The following KCTD16 variants were observed in gnomAD, a reference collection of about 807,000 sequenced individuals.
KCTD16 encodes the protein BTB/POZ domain-containing protein KCTD16.
A neutral mutation model predicts 33.2 loss-of-function variants in KCTD16; 13 were observed. The ratio of observed to expected loss-of-function variants is 0.39; its 90% CI spans 0.25 to 0.62. The LOEUF (loss-of-function observed/expected upper bound fraction) is 0.62. KCTD16 is among the 20% of genes least tolerant of loss of function. The probability of loss-of-function intolerance (pLI) is 0.50; values close to 1 mark genes in which losing one functional copy is unlikely to be tolerated. For missense variants in KCTD16, 441 were observed against 525.1 expected, an observed-to-expected ratio of 0.84 and a Z score of 1.57; for synonymous variants, 197 against 195.3, an observed-to-expected ratio of 1.01 and a Z score of -0.07.
At chr5:144,389,198 G>A (rs541475006) in intron 3 of KCTD16, among the ~76,000 whole-genome samples, 3 of 152,214 alleles carry the variant, frequency 2.0e-5, no homozygotes, top group Non-Finnish European at 4.4e-5. Context: ...AAATCATCAT[G>A]TAGGGCAGGG....
chr5:144,312,043 C>T (rs937659335), intron 3 of KCTD16, among the ~76,000 whole-genome samples: 1 of 152,026 alleles, frequency 6.6e-6, no homozygotes, highest in African/African-American at 2.4e-5. Context: ...TTTTTTAGCT[C>T]CATTCAGCAA....
chr5:144,259,789 A>T (rs1478433121), intron 3 of KCTD16, among the ~76,000 whole-genome samples: 1 of 152,214 alleles, frequency 6.6e-6, no homozygotes, highest in Non-Finnish European at 1.5e-5. Context: ...CAAGTAGGTG[A>T]CCTGTCAAAA....
chr5:144,225,008 A>G (rs1300838039), intron 3 of KCTD16, among the ~76,000 whole-genome samples: 3 of 152,170 alleles, frequency 2.0e-5, no homozygotes, highest in African/African-American at 7.2e-5. Flanking sequence ...GGGGGTAAGG[A>G]TAGACCAATG....
intron 3 of KCTD16, among the ~76,000 whole-genome samples, chr5:144,253,696 A>G (rs564203544): frequency 1.9e-4 from 29 of 152,240 alleles, no homozygotes; most frequent in African/African-American, 6.5e-4. Flanking sequence ...TTACCTGTTT[A>G]GTGGAGAGAG....
intron 3 of KCTD16, among the ~76,000 whole-genome samples, chr5:144,442,018 G>A (rs527990196): frequency 6.6e-6 from 1 of 152,168 alleles, no homozygotes; most frequent in African/African-American, 2.4e-5. Context: ...ATACTTCACA[G>A]TTTTTAGTGT....
At chr5:144,402,087 G>T (rs1752714889) in intron 3 of KCTD16, among the ~76,000 whole-genome samples, 1 of 152,136 alleles carries the variant, frequency 6.6e-6, no homozygotes. Flanking sequence ...AGAGGGAAGA[G>T]GGACTGATTT....
At chr5:144,199,790 CAT>C (rs1297158350) in intron 2 of KCTD16, among the ~76,000 whole-genome samples, 1 of 135,636 alleles carries the variant, frequency 7.4e-6, no homozygotes, top group Non-Finnish European at 1.5e-5. Flanking sequence ...AATCTTGGCT[CAT>C]TGCAATCTCC....
chr5:144,471,430 C>A (rs547609829), intron 3 of KCTD16, among the ~76,000 whole-genome samples: 1 of 152,184 alleles, frequency 6.6e-6, no homozygotes, highest in African/African-American at 2.4e-5. Context: ...TTGTATTTCC[C>A]CTCTTCCTGT....
rs1310686204 is a variant in KCTD16, at chr5:144,482,452, C to T, written c.*8338C>T. 6.6e-6 allele frequency: 1 copy of T among 151,834 alleles called. No individual in the cohort carries two copies. Among genetic ancestry groups the T allele is most frequent in the African/African-American group, 2.4e-5 (1 of 41,348 alleles). 9.4% of individuals were successfully genotyped at this position (151,834 alleles called of 1,614,324 possible). ...GCACACAGGTCACTAGGGCAAGCTT[C>T]AGGAGAAGTAAAATAGGTGTATGAG... is the stretch of plus-strand genomic sequence containing the variant. On this transcript the variant is annotated 3_prime_UTR_variant, in exon 4 of 4. Transcript: ENST00000512467.
At chr5:144,356,741 A>C (rs905013403) in intron 3 of KCTD16, among the ~76,000 whole-genome samples, 1 of 152,138 alleles carries the variant, frequency 6.6e-6, no homozygotes, top group African/African-American at 2.4e-5. Flanking sequence ...CTGGGAAAGG[A>C]CAACATAGTT....
At chr5:144,182,716 G>C (rs1312981181) in intron 2 of KCTD16, among the ~76,000 whole-genome samples, 1 of 152,040 alleles carries the variant, frequency 6.6e-6, no homozygotes, top group African/African-American at 2.4e-5. Context: ...TTGCCCTCCA[G>C]CCTAGGCTGA....
At chr5:144,269,036 A>G (rs911121618) in intron 3 of KCTD16, among the ~76,000 whole-genome samples, 1 of 152,158 alleles carries the variant, frequency 6.6e-6, no homozygotes, top group African/African-American at 2.4e-5. Context: ...GGAAATTATC[A>G]AGTCTTAGGA....
chr5:144,214,691 A>G (rs1753505907), intron 3 of KCTD16, among the ~76,000 whole-genome samples: 1 of 152,118 alleles, frequency 6.6e-6, no homozygotes, highest in African/African-American at 2.4e-5. Flanking sequence ...CAGTTTCCCA[A>G]TCCAGAAGTT....
At chr5:144,367,571 T>C (rs750597026) in intron 3 of KCTD16, among the ~76,000 whole-genome samples, 94 of 152,042 alleles carry the variant, frequency 6.2e-4, no homozygotes, top group Non-Finnish European at 1.3e-3. Context: ...AGATTGTGTG[T>C]CCCCAAGGAG....
rs1165297300 is a variant in KCTD16 at position 144,484,084 on chromosome 5, A to T, written c.*9970A>T. 6.6e-6 allele frequency: 1 copy of T among 151,922 alleles called. No homozygotes were observed. Among genetic ancestry groups the T allele is most frequent in the Non-Finnish European group, 1.5e-5 (1 of 67,894 alleles). 9.4% of individuals were successfully genotyped at this position (151,922 alleles called of 1,614,324 possible). A position where few individuals can be genotyped will look rare whatever the true frequency, so the allele number is the denominator to read the frequency against. ...TATTTATTTTTAATTCCAAAGGAGA[A>T]AGTTGAATCAGGAAAATTTGTCTTA... On this transcript the variant is annotated 3_prime_UTR_variant, in exon 4 of 4. Coordinates refer to ENST00000512467, the MANE Select transcript of KCTD16 (RefSeq NM_020768.4).
chr5:144,440,984 G>A (rs1488766493), intron 3 of KCTD16, among the ~76,000 whole-genome samples: 1 of 149,140 alleles, frequency 6.7e-6, no homozygotes, highest in East Asian at 2.0e-4. Context: ...GTGAGAACAT[G>A]CGGTGTTTGG....
rs567846776 is a variant in KCTD16, at chr5:144,373,148, G to A, written c.833-100512G>A. Among the ~76,000 whole-genome samples the A allele has an allele frequency of 1.9e-4, 29 of 152,192 alleles. No individual in the cohort carries two copies. In the South Asian group the frequency reaches 6.0e-3, roughly 32 times the overall value. On this transcript the variant is annotated intron_variant, in intron 3 of 3. Coordinates refer to ENST00000512467, the MANE Select transcript of KCTD16 (RefSeq NM_020768.4). ...TGGGTAGATGGTGGTGCCACCAACC[G>A]AAATATTTGACAGACAGGAAGCAGG...
intron 3 of KCTD16, among the ~76,000 whole-genome samples, chr5:144,261,185 GAA>G (rs1285619770): frequency 2.2e-5 from 2 of 92,466 alleles, no homozygotes; most frequent in Non-Finnish European, 4.6e-5. Context: ...AAAAAAAAAA[GAA>G]AAAAAAAAAA....
chr5:144,219,017 G>T (rs889668001), intron 3 of KCTD16, among the ~76,000 whole-genome samples: 1 of 152,032 alleles, frequency 6.6e-6, no homozygotes, highest in African/African-American at 2.4e-5. Flanking sequence ...GCCTTAGTTC[G>T]GTTACTTCCT....
Sources: gnomAD v4.1 joint callset for allele counts (sites outside exome capture counted in the v4.1 genomes callset) on GRCh38, gnomAD v4.1.1 for gene constraint, MANE v1.5 for transcripts, NCBI Gene and HGNC (gene_info 2026-07-23, HGNC 2026-07-21) for gene names.